ANXA4: variants seen among roughly 807,000 people sequenced by gnomAD.
ANXA4 encodes the protein annexin A4, also known as 35-beta calcimedin.
ANXA4 carries 39 observed loss-of-function variants against 49.8 expected under a neutral mutation model. That is an observed-to-expected ratio of 0.78 (90% CI 0.61 to 1.02). The LOEUF is 1.02. ANXA4 is among the 50% of genes least tolerant of loss of function. The pLI, the probability that ANXA4 is intolerant of heterozygous loss-of-function variation, is 0.00. For missense variants in ANXA4, 360 were observed against 410.1 expected (o/e 0.88, Z 1.05); for synonymous variants, 134 against 152.5 (o/e 0.88, Z 0.89).
intron 2 of ANXA4, among the ~76,000 whole-genome samples, chr2:69,660,534 A>G (rs1045256751): frequency 6.6e-6 from 1 of 152,234 alleles, no homozygotes; most frequent in East Asian, 1.9e-4. Context: ...GTGATGTAAA[A>G]TAAGTATTGT....
Position 69,648,820 on chromosome 2 carries a change from CAAAAAAAAAAA to C in ANXA4, n.481+3927_481+3937del, listed in dbSNP as rs372749631. On this transcript the variant is annotated intron_variant and non_coding_transcript_variant, in intron 1 of 3. Transcript: ENST00000418066. ...GGGGAGACAGAGTAAGACTCAGTCT[CAAAAAAAAAAA>C]AAAAAAAAAAAGACGTTTCTTGATT... Among the ~76,000 whole-genome samples, 5 of 44,928 alleles carry C rather than the reference CAAAAAAAAAAA, an allele frequency of 1.1e-4. No individual in the cohort carries two copies. In the South Asian group the frequency reaches 2.4e-3, roughly 21 times the overall value. 29.5% of individuals were successfully genotyped at this position (44,928 alleles called of 152,430 possible). A position where few individuals can be genotyped will look rare whatever the true frequency, so the allele number is the denominator to read the frequency against.
chr2:69,706,490 G>A (rs1168068287), intron 2 of ANXA4, among the ~76,000 whole-genome samples: 6 of 151,380 alleles, frequency 4.0e-5, no homozygotes, highest in South Asian at 2.1e-4. Flanking sequence ...TAGTAGAGAC[G>A]GGGGTTTCGC....
At chr2:69,779,014 A>G (rs1426860723) in intron 1 of ANXA4, among the ~76,000 whole-genome samples, 1 of 150,338 alleles carries the variant, frequency 6.7e-6, no homozygotes, top group Non-Finnish European at 1.5e-5. Flanking sequence ...AGGCTGAGAC[A>G]GAAGACTCGC....
Position 69,825,816 on chromosome 2 carries a change from A to C in ANXA4, c.*301A>C, listed in dbSNP as rs1674447758. On this transcript the variant is annotated 3_prime_UTR_variant, in exon 13 of 13. Transcript: ENST00000394295. ...CTACTTTGTGTTTCACAGACATTGA[A>C]TATATTAAATTATTCCATATTTTCT... 1 of 228,054 alleles carries C rather than the reference A, an allele frequency of 4.4e-6. No homozygotes were observed. Among genetic ancestry groups the C allele is most frequent in the African/African-American group, 2.3e-5 (1 of 44,220 alleles). 14.1% of individuals were successfully genotyped at this position (228,054 alleles called of 1,614,324 possible).
intron 3 of ANXA4, among the ~76,000 whole-genome samples, chr2:69,799,457 CTTG>C (rs1673094105): frequency 2.0e-5 from 3 of 152,282 alleles, no homozygotes; most frequent in South Asian, 4.1e-4. Flanking sequence ...TTTCAGGTTA[CTTG>C]TTGTTAGAAG....
At chr2:69,645,072 A>C (rs1204416002) in intron 1 of ANXA4, among the ~76,000 whole-genome samples, 1 of 152,060 alleles carries the variant, frequency 6.6e-6, no homozygotes, top group Non-Finnish European at 1.5e-5. Context: ...CCCACTCCCT[A>C]GTGCTTGTCT....
At chr2:69,774,419 A>G (rs1021652974) in intron 1 of ANXA4, among the ~76,000 whole-genome samples, 1 of 138,510 alleles carries the variant, frequency 7.2e-6, no homozygotes, top group African/African-American at 2.7e-5. Flanking sequence ...GCTCACTGCA[A>G]CCTCCGCCTC....
rs746290392 is a variant in ANXA4 at position 69,671,552 on chromosome 2, A to G, written n.766+18270A>G. ...GCCAACATGGTGAAACCCTGTCTCT[A>G]CTAAAAATACAAAAATACAAATTAA... On this transcript the variant is annotated intron_variant and non_coding_transcript_variant, in intron 2 of 3. Transcript: ENST00000418066. 2.3e-4 allele frequency among the ~76,000 whole-genome samples: 35 copies of G among 152,296 alleles called. No homozygotes were observed. In the South Asian group the frequency reaches 3.9e-3, roughly 17 times the overall value.
At chr2:69,788,894 G>A (rs1227631709) in intron 3 of ANXA4, among the ~76,000 whole-genome samples, 20 of 142,764 alleles carry the variant, frequency 1.4e-4, no homozygotes, top group Admixed American at 5.6e-4. Flanking sequence ...AAAGAAGGAG[G>A]AGAGGGAGGG....
intron 3 of ANXA4, chr2:69,720,930 A>G (rs375537045): frequency 2.0e-5 from 3 of 152,396 alleles, no homozygotes; most frequent in East Asian, 3.9e-4. Flanking sequence ...TGTGGGCAGC[A>G]TCTGGCCTGT....
At chr2:69,668,461 T>TA (rs1024728393) in intron 2 of ANXA4, among the ~76,000 whole-genome samples, 1 of 152,160 alleles carries the variant, frequency 6.6e-6, no homozygotes, top group South Asian at 2.1e-4. Context: ...AAAATTTTTT[T>TA]AAAAAAAGTA....
intron 2 of ANXA4, among the ~76,000 whole-genome samples, chr2:69,705,101 C>T (rs1051302513): frequency 1.3e-5 from 2 of 151,864 alleles, no homozygotes; most frequent in African/African-American, 4.8e-5. Context: ...GCCTGGGTGA[C>T]ATAGAGAGAC....
In ANXA4 at chr2:69,757,958, C is replaced by CA. The variant is rs11296004; in HGVS notation, c.-47+15804dup. 1.8e-3 allele frequency among the ~76,000 whole-genome samples: 173 copies of CA among 95,050 alleles called. 1 individual carries two copies. The highest frequency in any genetic ancestry group is 2.9e-3 in the Non-Finnish European group (137 of 47,038). The allele number at this position is 95,050 out of a possible 152,430, so 62.4% of individuals were successfully genotyped here. A position where few individuals can be genotyped will look rare whatever the true frequency, so the allele number is the denominator to read the frequency against. On this transcript the variant is annotated intron_variant, in intron 1 of 12. Transcript: ENST00000394295. ...TGGGCGGCTGAATGAGACTTTGTCT[C>CA]AAAAAAAAAAAAAAAAAAAAAGTAC...
intron 9 of ANXA4, 146 bp from the exon 10 acceptor site, chr2:69,818,453 T>G (rs1674094121): frequency 2.1e-6 from 1 of 480,104 alleles, no homozygotes; most frequent in Non-Finnish European, 3.8e-6. Flanking sequence ...CCCTCCTGGC[T>G]GCTTGCCCAC....
chr2:69,731,471 A>T (rs923226145), intron 3 of ANXA4, among the ~76,000 whole-genome samples: 1 of 152,206 alleles, frequency 6.6e-6, no homozygotes, highest in African/African-American at 2.4e-5. Context: ...GAAAATAGCC[A>T]ACTTAACTGC....
intron 3 of ANXA4, among the ~76,000 whole-genome samples, chr2:69,721,782 C>T (rs1669818062): frequency 6.6e-6 from 1 of 152,172 alleles, no homozygotes; most frequent in Admixed American, 6.5e-5. Flanking sequence ...AGACCTCCCC[C>T]AGTCTCCTCT....
chr2:69,804,158 A>T (rs1422584112), intron 3 of ANXA4, among the ~76,000 whole-genome samples: 1 of 145,812 alleles, frequency 6.9e-6, no homozygotes, highest in Non-Finnish European at 1.5e-5. Flanking sequence ...AAAAAAAAAA[A>T]ATATTCTAGA....
At chr2:69,796,835 G>A (rs537909018) in intron 3 of ANXA4, among the ~76,000 whole-genome samples, 45 of 152,236 alleles carry the variant, frequency 3.0e-4, no homozygotes, top group African/African-American at 1.1e-3. Flanking sequence ...TTCTAACTTA[G>A]GGGAATTACT....
intron 1 of ANXA4, among the ~76,000 whole-genome samples, chr2:69,763,146 C>G (rs1170164712): frequency 6.6e-6 from 1 of 152,084 alleles, no homozygotes; most frequent in Non-Finnish European, 1.5e-5. Context: ...TGCTCTTCTG[C>G]CGGAATCAGC....
Sources: allele counts gnomAD v4.1 joint callset (sites outside exome capture counted in the v4.1 genomes callset), GRCh38; gene constraint gnomAD v4.1.1; transcripts MANE v1.5; gene names NCBI Gene and HGNC (gene_info 2026-07-23, HGNC 2026-07-21).